Variants in URB1 observed in about 807,000 individuals in gnomAD.
URB1 encodes the protein URB1 ribosome biogenesis factor, also known as nucleolar pre-ribosomal-associated protein 1.
Under a neutral mutation model 242.3 loss-of-function variants are expected in URB1, and 197 were observed. That is an observed-to-expected ratio of 0.81 (90% CI 0.72 to 0.91). URB1 has a LOEUF of 0.91. Among genes scored for constraint, URB1 ranks in the 40% least tolerant of loss-of-function variants. URB1 has a pLI of 0.00. For missense variants in URB1, 2,721 were observed against 2,860.5 expected (o/e 0.95, Z 1.11); for synonymous variants, 1,153 against 1,201.8 (o/e 0.96, Z 0.84).
chr21:32,391,994 A>C (rs752103438), intron 1 of URB1, among the ~76,000 whole-genome samples: 1 of 151,926 alleles, frequency 6.6e-6, no homozygotes, highest in Non-Finnish European at 1.5e-5. Context: ...ACTGCACTTC[A>C]GCCTGGGCAA....
chr21:32,345,544 C>G lies in URB1; in HGVS notation c.3900G>C (p.Lys1300Asn), dbSNP rs1348375356. ...TGCTCTGTAGCTGCCTCCACAGGGT[C>G]TTCCTCAAGACAGGAATGACAGCGG... The part of the protein sequence containing the change: ...VSSAVIPVLR[K>N]TLWRQLQSRL... Residue 1300 changes from lysine to asparagine, a missense_variant, in exon 23 of 39, where the codon AAG becomes AAC. Physicochemically the swap from Lys to Asn is moderately conservative, Grantham distance 94. Coordinates refer to ENST00000382751, the MANE Select transcript of URB1 (RefSeq NM_014825.3). 6.5e-7 allele frequency: 1 copy of G among 1,547,764 alleles called. No homozygotes were observed. The highest frequency in any genetic ancestry group is 8.7e-7 in the Non-Finnish European group (1 of 1,143,872).
In URB1 at chr21:32,338,854, C is replaced by T. The variant is rs762722774; in HGVS notation, c.4363G>A (p.Val1455Ile). The change falls in exon 26 of 39, where the codon GTA (valine) becomes ATA (isoleucine). Residue 1455 changes from valine (V) to isoleucine (I), a missense_variant. Physicochemically the swap from Val to Ile is conservative, Grantham distance 29 (BLOSUM62 3). Transcript: ENST00000382751. ...CTTTCTGGGCTGTACAGGAGCTGTA[C>T]GGCGGTGAGGAGCATCTTTAAAAAT... ...HTFLKMLLTA[V>I]QLLYSPESSV... The T allele has an allele frequency of 1.6e-5, 25 of 1,551,364 alleles. 1 individual carries two copies. In the South Asian group the frequency reaches 2.0e-4, roughly 13 times the overall value.
chr21:32,349,003 C>T (rs1296454823), intron 21 of URB1, among the ~76,000 whole-genome samples: 1 of 152,230 alleles, frequency 6.6e-6, no homozygotes, highest in Non-Finnish European at 1.5e-5. Context: ...CACCTGCTGC[C>T]CACCTTTCAC....
intron 30 of URB1, among the ~76,000 whole-genome samples, chr21:32,327,466 C>CT (rs994069486): frequency 2.6e-5 from 4 of 151,524 alleles, no homozygotes; most frequent in East Asian, 1.9e-4. Context: ...AAAGTTAAGA[C>CT]TTTTTTCAGA....
intron 1 of URB1, among the ~76,000 whole-genome samples, chr21:32,389,304 A>C (rs532949411): frequency 1.4e-4 from 21 of 152,138 alleles, no homozygotes; most frequent in Non-Finnish European, 2.6e-4. Context: ...GAAGTCAAAG[A>C]AGCAGGCAGG....
chr21:32,392,698 C>T, intron 1 of URB1, 71 bp downstream of exon 1: 2 of 1,358,768 alleles, frequency 1.5e-6, no homozygotes, highest in Non-Finnish European at 1.9e-6. Context: ...AAAGGAGAGG[C>T]TGTGCCCGGC....
At position 32,347,395 on chromosome 21, in the gene URB1, G is replaced by T; in HGVS notation, c.3429C>A (p.Ser1143=). 6.4e-7 allele frequency: 1 copy of T among 1,551,470 alleles called. No homozygotes were observed. The highest frequency in any genetic ancestry group is 1.2e-5 in the South Asian group (1 of 84,060). The stretch of plus-strand genomic sequence containing the variant: ...CATTCAGGTGTCTTTCCTTCCCGGG[G>T]GATTTCGTGGGTTGCTGGGTCACCA... ...THLVTQQPTK[S]PGKERHLNAL... is the part of the protein sequence containing the mutation. The change falls in exon 22 of 39, where the codon TCC becomes TCA. Residue 1143 remains serine (S), a synonymous_variant. Coordinates refer to ENST00000382751, the MANE Select transcript of URB1 (RefSeq NM_014825.3).
chr21:32,347,838 G>A (rs918762568), intron 21 of URB1, 27 bp from the exon 22 acceptor site: 43 of 1,522,910 alleles, frequency 2.8e-5, no homozygotes, highest in African/African-American at 2.3e-4. Context: ...AGGCACAGAC[G>A]TCACATAGAG....
In URB1 at chr21:32,314,618, G is replaced by A. The variant is rs2032650439; in HGVS notation, c.*300C>T. Reference sequence around the variant, plus strand: ...TCAAACTCGAGCTATTTCCTGTGATGAGCTCCAAGCCCCTAGAGAGGAAGG... The same window carrying A: ...TCAAACTCGAGCTATTTCCTGTGATAAGCTCCAAGCCCCTAGAGAGGAAGG... On this transcript the variant is annotated 3_prime_UTR_variant, in exon 39 of 39. Transcript: ENST00000382751. The A allele has an allele frequency of 2.5e-6, 4 of 1,614,186 alleles. No individual in the cohort carries two copies. Among genetic ancestry groups the A allele is most frequent in the Non-Finnish European group, 3.4e-6 (4 of 1,180,040 alleles).
intron 1 of URB1, among the ~76,000 whole-genome samples, 198 bp downstream of exon 1, chr21:32,392,571 C>T (rs2033651700): frequency 1.3e-5 from 2 of 152,204 alleles, no homozygotes; most frequent in South Asian, 4.1e-4. Context: ...TCAAGCAAGT[C>T]GGGGCCCTCT....
At chr21:32,360,887 G>A (rs1271541120) in intron 13 of URB1, 120 bp downstream of exon 13, 3 of 609,084 alleles carry the variant, frequency 4.9e-6, no homozygotes, top group Non-Finnish European at 8.3e-6. Flanking sequence ...CAATTTCTCA[G>A]GCTGACGGAT....
At chr21:32,373,434 A>T (rs956120457) in intron 7 of URB1, among the ~76,000 whole-genome samples, 6 of 149,220 alleles carry the variant, frequency 4.0e-5, no homozygotes, top group Admixed American at 2.0e-4. Flanking sequence ...TTTTCTAATT[A>T]AAAAAAAAAA....
Position 32,325,244 on chromosome 21 carries a change from G to C in URB1, c.5106C>G (p.Phe1702Leu), listed in dbSNP as rs1482282912. 1 of 1,551,240 alleles carries C rather than the reference G, an allele frequency of 6.4e-7. No individual in the cohort carries two copies. The highest frequency in any genetic ancestry group is 2.4e-5 in the East Asian group (1 of 40,900). ...TCCTACTTACCTGGGACTGCTCTTG[G>C]AACCGTGCGCCCTCCAAGTGCGAGT... ...AYYSHLEGAR[F>L]QEQSQLLYLL... The change falls in exon 31 of 39, where the codon TTC (phenylalanine) becomes TTG (leucine). Residue 1702 changes from phenylalanine to leucine, a missense_variant. Phe to Leu is a conservative substitution (Grantham distance 22). Transcript: ENST00000382751.
At chr21:32,370,327 A>G (rs548320564) in intron 8 of URB1, among the ~76,000 whole-genome samples, 1 of 152,298 alleles carries the variant, frequency 6.6e-6, no homozygotes, top group South Asian at 2.1e-4. Flanking sequence ...TATAATTTTG[A>G]TCAGAAAAAC....
Position 32,392,972 on chromosome 21 carries a change from G to C in URB1, c.-62C>G. On this transcript the variant is annotated 5_prime_UTR_variant, in exon 1 of 39. Coordinates refer to ENST00000382751, the MANE Select transcript of URB1 (RefSeq NM_014825.3). Reference sequence around the variant, plus strand: ...CTGAGGGGACCCGGCAGGAGCACTGGCACAGACAGCAGACACGCGCTTCAG... The same window carrying C: ...CTGAGGGGACCCGGCAGGAGCACTGCCACAGACAGCAGACACGCGCTTCAG... 1 of 1,429,596 alleles carries C rather than the reference G, an allele frequency of 7.0e-7. No individual in the cohort carries two copies. The highest frequency in any genetic ancestry group is 9.2e-7 in the Non-Finnish European group (1 of 1,091,986). 88.6% of individuals were successfully genotyped at this position (1,429,596 alleles called of 1,614,324 possible).
intron 25 of URB1, among the ~76,000 whole-genome samples, chr21:32,340,484 G>A (rs8127693): frequency 0.14 from 21,540 of 152,006 alleles, 1,894 homozygotes; most frequent in African/African-American, 0.24. Flanking sequence ...ATGGTGGTGC[G>A]TGCCTGTGGA....
Position 32,392,920 on chromosome 21 carries a change from G to A in URB1, c.-10C>T, listed in dbSNP as rs2033656939. On this transcript the variant is annotated 5_prime_UTR_variant, in exon 1 of 39. Transcript: ENST00000382751. ...TCTTGGGGACCCCCATGGCCGAGAG[G>A]GCGGAAGCGCGACGGAAACGACACA... is the stretch of plus-strand genomic sequence containing the variant. 6.6e-7 allele frequency: 1 copy of A among 1,504,336 alleles called. No homozygotes were observed. Among genetic ancestry groups the A allele is most frequent in the Non-Finnish European group, 8.9e-7 (1 of 1,129,178 alleles). The allele number at this position is 1,504,336 out of a possible 1,614,324, so 93.2% of individuals were successfully genotyped here.
chr21:32,321,362 G>A (rs1463256461), intron 34 of URB1, among the ~76,000 whole-genome samples: 2 of 152,166 alleles, frequency 1.3e-5, no homozygotes, highest in African/African-American at 4.8e-5. Flanking sequence ...CTTTCTAAAT[G>A]AGTTCTGACA....
chr21:32,317,828 C>A lies in URB1; in HGVS notation c.5882G>T (p.Arg1961Met). ...ATTTACGGTGAATCTGTTCATGTCCCTAAAGGCCTGTATGACAGTGGCCCG... is the reference window on the plus strand; with the variant it reads ...ATTTACGGTGAATCTGTTCATGTCCATAAAGGCCTGTATGACAGTGGCCCG... ...RYRATVIQAF[R>M]DMNRFTVNET... The change falls in exon 37 of 39, where the codon AGG becomes ATG. Residue 1961 changes from arginine to methionine, a missense_variant. Physicochemically the swap from Arg to Met is moderately conservative, Grantham distance 91. Transcript: ENST00000382751. 1 of 1,551,952 alleles carries A rather than the reference C, an allele frequency of 6.4e-7. No individual in the cohort carries two copies. Among genetic ancestry groups the A allele is most frequent in the South Asian group, 1.2e-5 (1 of 84,054 alleles).
Sources: allele counts gnomAD v4.1 joint callset (sites outside exome capture counted in the v4.1 genomes callset), GRCh38; gene constraint gnomAD v4.1.1; transcripts MANE v1.5; gene names NCBI Gene and HGNC (gene_info 2026-07-23, HGNC 2026-07-21).